ARFIP1: variants seen among roughly 807,000 people sequenced by gnomAD.
ARFIP1 encodes the protein arfaptin-1.
ARFIP1 carries 24 observed loss-of-function variants against 42.5 expected under a neutral mutation model. The observed-to-expected ratio is 0.57, with a 90% CI of 0.41 to 0.80. ARFIP1 has a LOEUF of 0.80. Among genes scored for constraint, ARFIP1 ranks in the 30% least tolerant of loss-of-function variants. ARFIP1 has a pLI of 0.00. For synonymous variants in ARFIP1, 141 were observed against 153.7 expected (o/e 0.92, Z 0.61); for missense variants, 354 against 434.0 (o/e 0.82, Z 1.64).
At chr4:152,877,675 CA>C (rs895935579) in intron 5 of ARFIP1, among the ~76,000 whole-genome samples, 9 of 151,990 alleles carry the variant, frequency 5.9e-5, no homozygotes, top group African/African-American at 1.9e-4. Flanking sequence ...TGTCCTCACC[CA>C]AATCTCAACT....
intron 5 of ARFIP1, among the ~76,000 whole-genome samples, chr4:152,875,168 C>G (rs1735218249): frequency 1.3e-5 from 2 of 152,030 alleles, no homozygotes; most frequent in Non-Finnish European, 2.9e-5. Flanking sequence ...ATAATAGGAG[C>G]AATTTTAGGT....
rs1728801511 is a variant in ARFIP1 at position 152,804,388 on chromosome 4, T to TAC, written c.-10+24163_-10+24164insCA. Among the ~76,000 whole-genome samples, 4 of 103,998 alleles carry TAC rather than the reference T, an allele frequency of 3.8e-5. No individual in the cohort carries two copies. In the Admixed American group the frequency reaches 3.9e-4, roughly 10 times the overall value. 68.2% of individuals were successfully genotyped at this position (103,998 alleles called of 152,430 possible). A position where few individuals can be genotyped will look rare whatever the true frequency, so the allele number is the denominator to read the frequency against. On this transcript the variant is annotated intron_variant, in intron 1 of 8. Transcript: ENST00000353617. ...ATATTATATATAATATAACATGTATTATATATTATATATAATATAACATGT... is the reference window on the plus strand; with the variant it reads ...ATATTATATATAATATAACATGTATTACATATATTATATATAATATAACATGT...
chr4:152,897,652 G>T (rs978173353), intron 8 of ARFIP1, among the ~76,000 whole-genome samples: 1 of 152,104 alleles, frequency 6.6e-6, no homozygotes, highest in South Asian at 2.1e-4. Flanking sequence ...TGATGTATCT[G>T]TTCTAATGGT....
chr4:152,832,079 C>T (rs1731291101), intron 2 of ARFIP1, among the ~76,000 whole-genome samples: 1 of 152,088 alleles, frequency 6.6e-6, no homozygotes, highest in African/African-American at 2.4e-5. Flanking sequence ...GCTGCTGTGA[C>T]CATTCTTGTG....
At chr4:152,801,934 A>C (rs547615144) in intron 1 of ARFIP1, among the ~76,000 whole-genome samples, 1 of 152,218 alleles carries the variant, frequency 6.6e-6, no homozygotes, top group African/African-American at 2.4e-5. Context: ...AAAGGATAAA[A>C]AGAGACAGAG....
chr4:152,803,331 C>T (rs1055353775), intron 1 of ARFIP1, among the ~76,000 whole-genome samples: 2 of 152,300 alleles, frequency 1.3e-5, no homozygotes, highest in African/African-American at 4.8e-5. Flanking sequence ...GCCTGCCAAT[C>T]TAAGAGGCAA....
At chr4:152,784,779 C>G (rs1240767061) in intron 1 of ARFIP1, among the ~76,000 whole-genome samples, 3 of 152,236 alleles carry the variant, frequency 2.0e-5, no homozygotes, top group African/African-American at 4.8e-5. Flanking sequence ...GGCAATTGCT[C>G]AAATCTTTTG....
intron 1 of ARFIP1, among the ~76,000 whole-genome samples, chr4:152,821,646 C>T (rs1730378296): frequency 1.3e-5 from 2 of 152,282 alleles, no homozygotes; most frequent in Non-Finnish European, 2.9e-5. Context: ...TAAAGAACTC[C>T]TGGGAAACTC....
intron 2 of ARFIP1, among the ~76,000 whole-genome samples, chr4:152,847,504 T>G (rs912414007): frequency 1.3e-5 from 2 of 152,054 alleles, no homozygotes; most frequent in African/African-American, 4.8e-5. Flanking sequence ...TTATCTCAGT[T>G]TTTTACAGCA....
At chr4:152,887,953 A>C (rs1382303316) in intron 7 of ARFIP1, among the ~76,000 whole-genome samples, 180 bp from the exon 8 acceptor site, 1 of 152,058 alleles carries the variant, frequency 6.6e-6, no homozygotes, top group Non-Finnish European at 1.5e-5. Context: ...CTTTGTTCTT[A>C]TTTAAATAGC....
rs374016970 is a variant in ARFIP1, at chr4:152,882,841, A to G, written c.752A>G (p.Glu251Gly). The part of the protein sequence containing the change: ...SVNTLVNKTI[E>G]DTLMTVKQYE... ...AACACTTTGGTGAATAAAACCATTGAAGATACATTAATGACTGTGAAACAG... is the reference window on the plus strand; with the variant it reads ...AACACTTTGGTGAATAAAACCATTGGAGATACATTAATGACTGTGAAACAG... The change falls in exon 7 of 9, where the codon GAA becomes GGA. Residue 251 changes from glutamate to glycine, a missense_variant. Glu to Gly is a moderately conservative substitution (Grantham distance 98). Coordinates refer to ENST00000353617, the MANE Select transcript of ARFIP1 (RefSeq NM_001025595.3). 3.1e-6 allele frequency: 5 copies of G among 1,611,052 alleles called. No individual in the cohort carries two copies. The African/African-American group carries it at 5.4e-5, about 17-fold the overall frequency.
intron 4 of ARFIP1, 50 bp from the exon 5 acceptor site, chr4:152,872,402 C>T (rs1056504497): frequency 5.7e-6 from 7 of 1,231,014 alleles, no homozygotes; most frequent in Non-Finnish European, 8.1e-6. Context: ...TGTTTTCTTT[C>T]CCTGCTTGTC....
At chr4:152,808,228 C>A (rs964938663) in intron 1 of ARFIP1, among the ~76,000 whole-genome samples, 1 of 145,964 alleles carries the variant, frequency 6.9e-6, no homozygotes, top group Non-Finnish European at 1.5e-5. Flanking sequence ...GATCTTCCCA[C>A]CTTGGCCTCC....
At chr4:152,814,285 G>A (rs1729705326) in intron 1 of ARFIP1, among the ~76,000 whole-genome samples, 2 of 151,610 alleles carry the variant, frequency 1.3e-5, no homozygotes, top group Non-Finnish European at 1.5e-5. Flanking sequence ...GTAGAGACGG[G>A]GTTTTGTCGT....
intron 2 of ARFIP1, among the ~76,000 whole-genome samples, chr4:152,832,958 G>A (rs960352520): frequency 6.6e-6 from 1 of 152,098 alleles, no homozygotes; most frequent in African/African-American, 2.4e-5. Context: ...AGAAAACATA[G>A]GGGAGAAGCT....
intron 5 of ARFIP1, among the ~76,000 whole-genome samples, chr4:152,876,628 A>C (rs945832390): frequency 3.3e-5 from 5 of 152,258 alleles, no homozygotes; most frequent in Non-Finnish European, 7.3e-5. Flanking sequence ...AATTTGCATA[A>C]GTAGCAAGGA....
At chr4:152,792,400 A>ATTTAT (rs113225010) in intron 1 of ARFIP1, among the ~76,000 whole-genome samples, 6,595 of 152,258 alleles carry the variant, frequency 0.043, 174 homozygotes, top group South Asian at 0.11. Context: ...TAGATTCTAT[A>ATTTAT]TTTAGTGAAA....
intron 1 of ARFIP1, among the ~76,000 whole-genome samples, chr4:152,819,230 C>T (rs1370774956): frequency 6.6e-6 from 1 of 152,194 alleles, no homozygotes; most frequent in Non-Finnish European, 1.5e-5. Flanking sequence ...ACAGCATCTG[C>T]AGGCACAATA....
intron 8 of ARFIP1, among the ~76,000 whole-genome samples, chr4:152,904,349 G>T (rs1188544116): frequency 2.0e-5 from 3 of 151,638 alleles, no homozygotes. Context: ...GTGCCACCAC[G>T]CCCGGCTCAT....
Sources: allele counts gnomAD v4.1 joint callset (sites outside exome capture counted in the v4.1 genomes callset), GRCh38; gene constraint gnomAD v4.1.1; transcripts MANE v1.5; gene names NCBI Gene and HGNC (gene_info 2026-07-23, HGNC 2026-07-21).